Variants in IL32 observed in about 807,000 individuals in gnomAD.
IL32 encodes interleukin 32.
Under a neutral mutation model 16.6 loss-of-function variants are expected in IL32, and 30 were observed. The observed-to-expected ratio is 1.81, with a 90% CI of 1.35 to 2.45. The LOEUF is 2.45. Ranked by LOEUF, IL32 falls within the 30% of genes most tolerant of loss-of-function variation. IL32 has a pLI of 0.00. For missense variants in IL32, 234 were observed against 229.8 expected (o/e 1.02, Z -0.12); for synonymous variants, 70 against 86.1 (o/e 0.81, Z 1.03).
upstream of IL32, chr16:3,065,509 C>T (rs1956219482): frequency 5.6e-6 from 3 of 535,818 alleles, no homozygotes; most frequent in South Asian, 4.2e-5. Context: ...GTCTCCATCT[C>T]TGTCTGTCTC....
chr16:3,067,355 A>C (rs773073934), intron 2 of IL32, 22 bp from the exon 3 acceptor site: 1 of 1,408,268 alleles, frequency 7.1e-7, no homozygotes, highest in African/African-American at 1.4e-5. Context: ...ATGGAGACTG[A>C]GTGTCACCGT....
intron 2 of IL32, among the ~76,000 whole-genome samples, chr16:3,066,067 C>G (rs1223272994): frequency 6.6e-6 from 1 of 152,174 alleles, no homozygotes; most frequent in Non-Finnish European, 1.5e-5. Context: ...GAGCCCTTCA[C>G]AGCCCGGAAA....
chr16:3,067,647 T>A, intron 4 of IL32, 34 bp downstream of exon 4: 1 of 1,490,958 alleles, frequency 6.7e-7, no homozygotes, highest in South Asian at 1.1e-5. Flanking sequence ...CCAGGTCACA[T>A]GTCCCCGCCC....
chr16:3,066,433 C>T (rs547169975), intron 2 of IL32, among the ~76,000 whole-genome samples: 6 of 152,342 alleles, frequency 3.9e-5, no homozygotes, highest in Admixed American at 3.3e-4. Context: ...ACCATCGCTG[C>T]CTGAAAGTGT....
At chr16:3,065,938 C>G (rs1956259302) in intron 2 of IL32, 112 bp downstream of exon 2, 5 of 1,263,476 alleles carry the variant, frequency 4.0e-6, no homozygotes, top group Admixed American at 1.7e-5. Flanking sequence ...CAGTCAGGGG[C>G]ACCCAGCGGC....
chr16:3,067,686 G>A (rs764211929), intron 4 of IL32, 73 bp downstream of exon 4: 7 of 1,182,742 alleles, frequency 5.9e-6, no homozygotes, highest in Non-Finnish European at 7.4e-6. Context: ...GTGGGGCTCA[G>A]GGTGAGAAGG....
intron 2 of IL32, among the ~76,000 whole-genome samples, 156 bp downstream of exon 2, chr16:3,065,982 AGGCGCTGGAGGTCATATGTGTCGGG>A (rs1420006298): frequency 6.6e-6 from 1 of 151,430 alleles, no homozygotes; most frequent in Non-Finnish European, 1.5e-5. Context: ...GTGTCAGTGG[AGGCGCTGGAGGTCATATGTGTCGGG>A]GGCGCTGGAG....
At chr16:3,067,282 TG>T in intron 2 of IL32, 94 bp from the exon 3 acceptor site, 2 of 531,102 alleles carry the variant, frequency 3.8e-6, no homozygotes, top group Non-Finnish European at 6.5e-6. Context: ...TGTGTGTGTG[TG>T]TGTGTGTGTG....
chr16:3,067,037 C>T (rs111457614), intron 2 of IL32, among the ~76,000 whole-genome samples: 2,714 of 41,952 alleles, frequency 0.065, 294 homozygotes, highest in African/African-American at 0.13. Flanking sequence ...CCTAGGCCCA[C>T]GCAGGCCCTG....
At chr16:3,067,788 G>T (rs959576516) in intron 4 of IL32, 175 bp downstream of exon 4, 7 of 806,254 alleles carry the variant, frequency 8.7e-6, no homozygotes, top group Non-Finnish European at 2.0e-6. Flanking sequence ...GGATCTGGAC[G>T]CCCGGGGAGA....
At chr16:3,066,903 G>C (rs138492796) in intron 2 of IL32, among the ~76,000 whole-genome samples, 1 of 151,656 alleles carries the variant, frequency 6.6e-6, no homozygotes, top group Non-Finnish European at 1.5e-5. Flanking sequence ...GTGCAGGGAG[G>C]ACACCCCGGC....
intron 2 of IL32, 82 bp from the exon 3 acceptor site, chr16:3,067,295 G>GTGTGTGTGTA: frequency 1.4e-6 from 1 of 698,030 alleles, no homozygotes. Context: ...GTGTGTGTGT[G>GTGTGTGTGTA]TGTGTGTGTG....
chr16:3,068,375 G>C, intron 6 of IL32, 136 bp downstream of exon 6: 1 of 778,664 alleles, frequency 1.3e-6, no homozygotes, highest in South Asian at 1.7e-5. Flanking sequence ...GCATGATCTT[G>C]GCTCACTGCA....
At chr16:3,066,272 C>T (rs1477765884) in intron 2 of IL32, among the ~76,000 whole-genome samples, 1 of 152,200 alleles carries the variant, frequency 6.6e-6, no homozygotes, top group Non-Finnish European at 1.5e-5. Flanking sequence ...ACCACACCCT[C>T]CAGGGAGCTC....
At chr16:3,067,242 C>G (rs1436976646) in intron 2 of IL32, 135 bp from the exon 3 acceptor site, 1 of 655,812 alleles carries the variant, frequency 1.5e-6, no homozygotes, top group African/African-American at 1.8e-5. Flanking sequence ...CTGCTGTCTC[C>G]TCTTATCCTG....
chr16:3,066,821 G>T (rs975793308), intron 2 of IL32, among the ~76,000 whole-genome samples: 2 of 152,040 alleles, frequency 1.3e-5, no homozygotes, highest in African/African-American at 2.4e-5. Context: ...GTGGTTGTGG[G>T]AAACCCAGCT....
chr16:3,067,841 C>T (rs1336026158), intron 4 of IL32, 143 bp from the exon 5 acceptor site: 1 of 1,007,652 alleles, frequency 9.9e-7, no homozygotes, highest in South Asian at 1.4e-5. Context: ...GAGGAAACAA[C>T]AGGGGTGCCA....
At position 3,069,384 on chromosome 16, in the gene IL32, G is replaced by T. The variant is rs377647974; in HGVS notation, c.*29G>T. The T allele has an allele frequency of 6.4e-7, 1 of 1,559,288 alleles. No homozygotes were observed. The highest frequency in any genetic ancestry group is 1.8e-5 in the Admixed American group (1 of 54,842). On this transcript the variant is annotated 3_prime_UTR_variant, in exon 7 of 7. Coordinates refer to ENST00000525643, the MANE Select transcript of IL32 (RefSeq NM_001376923.1). ...TACTGACACCACCTTTGCCCTCCCC[G>T]TCACCGCGCACCCACCCTGACCCCT...
intron 2 of IL32, 91 bp from the exon 3 acceptor site, chr16:3,067,283 GTGT>G: frequency 3.7e-6 from 2 of 535,196 alleles, no homozygotes; most frequent in Non-Finnish European, 3.2e-6. Context: ...GTGTGTGTGT[GTGT>G]GTGTGTGTGT....
Sources: allele counts gnomAD v4.1 joint callset (sites outside exome capture counted in the v4.1 genomes callset), GRCh38; gene constraint gnomAD v4.1.1; transcripts MANE v1.5; gene names NCBI Gene and HGNC (gene_info 2026-07-23, HGNC 2026-07-21).